Variants in PLCG1 observed in about 807,000 individuals in gnomAD.
The protein encoded by PLCG1 is phospholipase C gamma 1, also known as 1-phosphatidylinositol 4,5-bisphosphate phosphodiesterase gamma-1.
In PLCG1, 71 loss-of-function variants were observed where a neutral mutation model predicts 177.8. The observed-to-expected ratio is 0.40, with a 90% confidence interval of 0.33 to 0.49. The LOEUF is 0.49. Ranked by LOEUF, PLCG1 falls within the 20% of genes least tolerant of loss-of-function variation. PLCG1 has a pLI of 0.72. For synonymous variants in PLCG1, 658 were observed against 647.9 expected (o/e 1.02, Z -0.24); for missense variants, 1,281 against 1,709.0 (o/e 0.75, Z 4.42).
Position 41,165,253 on chromosome 20 carries a change from G to C in PLCG1, c.1395G>C (p.Lys465Asn). 6.2e-7 allele frequency: 1 copy of C among 1,614,082 alleles called. No homozygotes were observed. Among genetic ancestry groups the C allele is most frequent in the Non-Finnish European group, 8.5e-7 (1 of 1,180,006 alleles). ...LKRKILIKHK[K>N]LAEGSAYEEV... is the part of the protein sequence containing the mutation. Reference sequence around the variant, plus strand: ...TCTGGTTGCCCCTACAGCACAAGAAGCTGGCTGAGGGCAGTGCCTACGAGG... The same window carrying C: ...TCTGGTTGCCCCTACAGCACAAGAACCTGGCTGAGGGCAGTGCCTACGAGG... The change falls in exon 14 of 32, where the codon AAG becomes AAC. Residue 465 changes from lysine to asparagine, a missense_variant. Coordinates refer to ENST00000685551, the MANE Select transcript of PLCG1 (RefSeq NM_002660.3). This position sits in a 1 kb window ranked among gnomAD's most constrained non-coding sequence, Gnocchi z 6.6.
chr20:41,158,145 G>T (rs1257224726), intron 1 of PLCG1, among the ~76,000 whole-genome samples: 1 of 152,158 alleles, frequency 6.6e-6, no homozygotes, highest in South Asian at 2.1e-4. Flanking sequence ...CACTGTTCCA[G>T]GTGGGATAGA....
chr20:41,169,298 A>C (rs2035815079), intron 22 of PLCG1, 123 bp downstream of exon 22: 6 of 943,716 alleles, frequency 6.4e-6, no homozygotes, highest in Non-Finnish European at 1.0e-5. Flanking sequence ...GGCTGGTCGC[A>C]CAGCCCATGT....
At chr20:41,158,433 A>G (rs2035389992) in intron 1 of PLCG1, among the ~76,000 whole-genome samples, 1 of 152,124 alleles carries the variant, frequency 6.6e-6, no homozygotes, top group Admixed American at 6.5e-5. Context: ...GACCTAATCT[A>G]CCTTAAATCG....
Position 41,167,601 on chromosome 20 carries a change from G to A in PLCG1, c.2302-251G>A, listed in dbSNP as rs1412084671. On this transcript the variant is annotated intron_variant, in intron 19 of 31. Transcript: ENST00000685551. This position sits in a 1 kb window ranked among gnomAD's most constrained non-coding sequence, Gnocchi z 4.4. ...ATAGCTCAGAAATACTTGGGAGTTT[G>A]GGCATTTAGGACCTGAGAGATTTTA... 9.5e-6 allele frequency: 5 copies of A among 526,032 alleles called. No individual in the cohort carries two copies. The highest frequency in any genetic ancestry group is 1.7e-5 in the Non-Finnish European group (5 of 293,146). 32.6% of individuals were successfully genotyped at this position (526,032 alleles called of 1,614,324 possible). A position where few individuals can be genotyped will look rare whatever the true frequency, so the allele number is the denominator to read the frequency against.
At position 41,172,138 on chromosome 20, in the gene PLCG1, C is replaced by T. The variant is rs2035920817; in HGVS notation, c.2809-55C>T. 4.2e-6 allele frequency: 6 copies of T among 1,439,816 alleles called. No individual in the cohort carries two copies. The highest frequency in any genetic ancestry group is 5.9e-6 in the Non-Finnish European group (6 of 1,021,022). The allele number at this position is 1,439,816 out of a possible 1,614,324, so 89.2% of individuals were successfully genotyped here. A position where few individuals can be genotyped will look rare whatever the true frequency, so the allele number is the denominator to read the frequency against. On this transcript the variant is annotated intron_variant, in intron 24 of 31. Coordinates refer to ENST00000685551, the MANE Select transcript of PLCG1 (RefSeq NM_002660.3). The surrounding 1 kb of genome is among the most constrained non-coding windows in gnomAD (Gnocchi z 7.0). ...CATGCCCAAGGTTGGCAGGGGCTTCCTTCTCCTGGGCAGGGCTGTAGCCTG... is the reference window on the plus strand; with the variant it reads ...CATGCCCAAGGTTGGCAGGGGCTTCTTTCTCCTGGGCAGGGCTGTAGCCTG...
In PLCG1 at chr20:41,163,897, AC is replaced by A; in HGVS notation, c.1011-22del. ...CAGGAGGGCCCATCTGACCATACCT[AC>A]CTGCCTCTCCTTGCCTATCCAGGTA... On this transcript the variant is annotated intron_variant, in intron 10 of 31. Transcript: ENST00000685551. The surrounding 1 kb of genome is among the most constrained non-coding windows in gnomAD (Gnocchi z 5.2). 6.2e-7 allele frequency: 1 copy of A among 1,612,260 alleles called. No individual in the cohort carries two copies. Among genetic ancestry groups the A allele is most frequent in the Non-Finnish European group, 8.5e-7 (1 of 1,178,866 alleles).
At position 41,165,906 on chromosome 20, in the gene PLCG1, C is replaced by A. The variant is rs2035670973; in HGVS notation, c.1799+80C>A. 2.5e-6 allele frequency: 3 copies of A among 1,200,480 alleles called. No homozygotes were observed. The highest frequency in any genetic ancestry group is 1.5e-5 in the African/African-American group (1 of 65,482). The allele number at this position is 1,200,480 out of a possible 1,614,324, so 74.4% of individuals were successfully genotyped here. A position where few individuals can be genotyped will look rare whatever the true frequency, so the allele number is the denominator to read the frequency against. ...ACATCACCCAGAGATAATCAGTTAA[C>A]ATTTGAGCCTTTGATCCAGGACAAT... On this transcript the variant is annotated intron_variant, in intron 16 of 31. Coordinates refer to ENST00000685551, the MANE Select transcript of PLCG1 (RefSeq NM_002660.3). This position sits in a 1 kb window ranked among gnomAD's most constrained non-coding sequence, Gnocchi z 6.6.
In PLCG1 at chr20:41,142,547, A is replaced by G. The variant is rs1056857174; in HGVS notation, c.217+4689A>G. 2.5e-4 allele frequency among the ~76,000 whole-genome samples: 38 copies of G among 152,118 alleles called. 1 individual carries two copies. Among genetic ancestry groups the G allele is most frequent in the African/African-American group, 8.7e-4 (36 of 41,416 alleles). On this transcript the variant is annotated intron_variant, in intron 1 of 31. Transcript: ENST00000685551. Reference sequence around the variant, plus strand: ...GGGCCCAGACAAGACCTTCTTGCTGAGGCAGGGTGGGGATGCCATGGTGGT... The same window carrying G: ...GGGCCCAGACAAGACCTTCTTGCTGGGGCAGGGTGGGGATGCCATGGTGGT...
In PLCG1 at chr20:41,173,843, T is replaced by G. The variant is rs1200957981; in HGVS notation, c.3556+30T>G. On this transcript the variant is annotated intron_variant, in intron 29 of 31. Transcript: ENST00000685551. The surrounding 1 kb of genome is among the most constrained non-coding windows in gnomAD (Gnocchi z 6.2). ...GGACCATTCCTGGAGGCAGTGCCCCTGCAATCTTGCTGGCAGGGTGGGGCT... is the reference window on the plus strand; with the variant it reads ...GGACCATTCCTGGAGGCAGTGCCCCGGCAATCTTGCTGGCAGGGTGGGGCT... 6.2e-7 allele frequency: 1 copy of G among 1,611,248 alleles called. No individual in the cohort carries two copies. Among genetic ancestry groups the G allele is most frequent in the African/African-American group, 1.3e-5 (1 of 74,860 alleles).
At chr20:41,168,677 C>T in intron 20 of PLCG1, 90 bp from the exon 21 acceptor site, 1 of 771,076 alleles carries the variant, frequency 1.3e-6, no homozygotes, top group South Asian at 1.5e-5. Flanking sequence ...GCAGGGAAGC[C>T]CAAGCACATG....
chr20:41,137,549 C>A lies in PLCG1; in HGVS notation c.-93C>A, dbSNP rs1465880745. On this transcript the variant is annotated 5_prime_UTR_variant, in exon 1 of 32. Transcript: ENST00000685551. This position sits in a 1 kb window ranked among gnomAD's most constrained non-coding sequence, Gnocchi z 7.3. ...CCGCCGCCGGGTCCCGCTCGTCTGC[C>A]GCCTCAGCCTCAGCCCCAACCTCAG... 8 of 666,836 alleles carry A rather than the reference C, an allele frequency of 1.2e-5. No homozygotes were observed. The highest frequency in any genetic ancestry group is 8.3e-6 in the Non-Finnish European group (4 of 480,556). 41.3% of individuals were successfully genotyped at this position (666,836 alleles called of 1,614,324 possible). A position where few individuals can be genotyped will look rare whatever the true frequency, so the allele number is the denominator to read the frequency against.
Position 41,165,928 on chromosome 20 carries a change from CAAT to C in PLCG1, c.1799+106_1799+108del, listed in dbSNP as rs2035672274. On this transcript the variant is annotated intron_variant, in intron 16 of 31. Transcript: ENST00000685551. The surrounding 1 kb of genome is among the most constrained non-coding windows in gnomAD (Gnocchi z 6.6). ...TAACATTTGAGCCTTTGATCCAGGA[CAAT>C]AATTAGGCTTTACATGGAACATAAT... 1.0e-6 allele frequency: 1 copy of C among 1,001,410 alleles called. No individual in the cohort carries two copies. Among genetic ancestry groups the C allele is most frequent in the Admixed American group, 2.4e-5 (1 of 42,120 alleles). The allele number at this position is 1,001,410 out of a possible 1,614,324, so 62.0% of individuals were successfully genotyped here. A position where few individuals can be genotyped will look rare whatever the true frequency, so the allele number is the denominator to read the frequency against.
In PLCG1 at chr20:41,166,830, G is replaced by A. The variant is rs370709447; in HGVS notation, c.2272G>A (p.Glu758Lys). 24 of 1,614,040 alleles carry A rather than the reference G, an allele frequency of 1.5e-5. No individual in the cohort carries two copies. The highest frequency in any genetic ancestry group is 2.0e-5 in the Non-Finnish European group (24 of 1,180,034). Residue 758 changes from glutamate to lysine, a missense_variant, in exon 19 of 32, where the codon GAG becomes AAG. Coordinates refer to ENST00000685551, the MANE Select transcript of PLCG1 (RefSeq NM_002660.3). The surrounding 1 kb of genome is among the most constrained non-coding windows in gnomAD (Gnocchi z 8.6). ...RKMKLRYPIN[E>K]EALEKIGTAE... is the part of the protein sequence containing the mutation. ...GATGAAGCTGCGCTATCCCATCAAC[G>A]AGGAGGCACTGGAGAAGATTGGCAC...
chr20:41,162,053 G>C (rs1227928212), intron 4 of PLCG1, among the ~76,000 whole-genome samples: 4 of 152,022 alleles, frequency 2.6e-5, no homozygotes, highest in African/African-American at 9.7e-5. Context: ...GGGAAGTTGT[G>C]AGTGAGCCCT....
rs1441889884 is a variant in PLCG1, at chr20:41,147,586, C to T, written c.217+9728C>T. Among the ~76,000 whole-genome samples the T allele has an allele frequency of 1.3e-5, 2 of 152,150 alleles. No homozygotes were observed. The highest frequency in any genetic ancestry group is 4.8e-5 in the African/African-American group (2 of 41,428). The stretch of plus-strand genomic sequence containing the variant: ...TTAAGCTGGGCTGGGCACGGTGGCT[C>T]ACGCCTGTAATCCCAGCACTTTGGG... On this transcript the variant is annotated intron_variant, in intron 1 of 31. Coordinates refer to ENST00000685551, the MANE Select transcript of PLCG1 (RefSeq NM_002660.3). This position sits in a 1 kb window ranked among gnomAD's most constrained non-coding sequence, Gnocchi z 4.0.
At position 41,173,940 on chromosome 20, in the gene PLCG1, T is replaced by C. The variant is rs773875740; in HGVS notation, c.3574T>C (p.Leu1192=). Residue 1192 remains leucine, a synonymous_variant, in exon 30 of 32, where the codon TTG becomes CTG. Transcript: ENST00000685551. The surrounding 1 kb of genome is among the most constrained non-coding windows in gnomAD (Gnocchi z 6.2). ...GLKTGYRAVP[L]KNNYSEDLEL... ...CCTCCTAGGATACAGAGCAGTGCCTTTGAAGAACAACTACAGTGAGGACCT... is the reference window on the plus strand; with the variant it reads ...CCTCCTAGGATACAGAGCAGTGCCTCTGAAGAACAACTACAGTGAGGACCT... 18 of 1,613,960 alleles carry C rather than the reference T, an allele frequency of 1.1e-5. No homozygotes were observed. The highest frequency in any genetic ancestry group is 5.3e-5 in the African/African-American group (4 of 74,904).
Position 41,165,808 on chromosome 20 carries a change from A to AGAT in PLCG1, c.1781_1782insGAT (p.Asp594delinsGluIle). Reference sequence around the variant, plus strand: ...CGAGAGAGTGAGACCTTCGTGGGCGACTACACGCTCTCTTTCTGGTAACAC... The same window carrying AGAT: ...CGAGAGAGTGAGACCTTCGTGGGCGAGATCTACACGCTCTCTTTCTGGTAACAC... On this transcript the variant is annotated protein_altering_variant, in exon 16 of 32. Transcript: ENST00000685551. This position sits in a 1 kb window ranked among gnomAD's most constrained non-coding sequence, Gnocchi z 6.6. 1.3e-6 allele frequency: 2 copies of AGAT among 1,589,812 alleles called. No individual in the cohort carries two copies. The highest frequency in any genetic ancestry group is 1.1e-5 in the South Asian group (1 of 88,950).
intron 1 of PLCG1, among the ~76,000 whole-genome samples, chr20:41,155,814 A>G (rs1405687067): frequency 6.6e-6 from 1 of 152,160 alleles, no homozygotes; most frequent in African/African-American, 2.4e-5. Context: ...ACTTCCCAGC[A>G]TGGCCCTCAC....
At chr20:41,170,364 G>A in intron 24 of PLCG1, 95 bp downstream of exon 24, 1 of 1,388,562 alleles carries the variant, frequency 7.2e-7, no homozygotes, top group Non-Finnish European at 1.0e-6. Context: ...CAGAGCAGTG[G>A]GGCAGCCGAT....
Sources: allele counts gnomAD v4.1 joint callset (sites outside exome capture counted in the v4.1 genomes callset), GRCh38; gene constraint gnomAD v4.1.1; non-coding constraint Gnocchi (gnomAD v3.1); transcripts MANE v1.5; gene names NCBI Gene and HGNC (gene_info 2026-07-23, HGNC 2026-07-21).